PPARGC1A: variants seen among roughly 807,000 people sequenced by gnomAD.
PPARGC1A encodes PPARG coactivator 1 alpha.
In PPARGC1A, 25 loss-of-function variants were observed where a neutral mutation model predicts 88.7. That is an observed-to-expected ratio of 0.28 (90% CI 0.21 to 0.39). PPARGC1A has a LOEUF of 0.39. Among genes scored for constraint, PPARGC1A ranks in the 10% least tolerant of loss-of-function variants. The probability of loss-of-function intolerance (pLI) is 1.00; values close to 1 mark genes in which losing one functional copy is unlikely to be tolerated. For synonymous variants in PPARGC1A, 363 were observed against 355.6 expected (o/e 1.02, Z -0.24); for missense variants, 880 against 968.7 (o/e 0.91, Z 1.22).
At chr4:24,175,048 G>C in the PPARGC1A span, among the ~76,000 whole-genome samples, 2 of 152,120 alleles carry the variant, frequency 1.3e-5, no homozygotes, top group Non-Finnish European at 2.9e-5. Context: ...CTTTCTAAAA[G>C]TAACTACTGC....
chr4:24,440,122 C>T, the PPARGC1A span, among the ~76,000 whole-genome samples: 1 of 152,188 alleles, frequency 6.6e-6, no homozygotes, highest in Non-Finnish European at 1.5e-5. Context: ...CACAATTAAT[C>T]CTAGAAGGTC....
chr4:24,358,412 A>T, the PPARGC1A span, among the ~76,000 whole-genome samples: 1 of 152,252 alleles, frequency 6.6e-6, no homozygotes, highest in Admixed American at 6.5e-5. Flanking sequence ...AGAAAACGGC[A>T]GAGGGCCAGA....
At chr4:23,983,750 T>C in the PPARGC1A span, among the ~76,000 whole-genome samples, 1 of 151,954 alleles carries the variant, frequency 6.6e-6, no homozygotes, top group Non-Finnish European at 1.5e-5. Flanking sequence ...TCAATGGCTT[T>C]CCAGTGTTTT....
At chr4:24,415,062 C>T in the PPARGC1A span, among the ~76,000 whole-genome samples, 1 of 152,040 alleles carries the variant, frequency 6.6e-6, no homozygotes, top group African/African-American at 2.4e-5. Context: ...CAGTGGCATG[C>T]ACCTGTAATC....
At chr4:24,214,801 C>A in the PPARGC1A span, among the ~76,000 whole-genome samples, 1 of 152,128 alleles carries the variant, frequency 6.6e-6, no homozygotes, top group Non-Finnish European at 1.5e-5. Context: ...TGCTCACTCC[C>A]AAGAAGGTAC....
chr4:24,221,769 C>A, the PPARGC1A span, among the ~76,000 whole-genome samples: 5 of 152,140 alleles, frequency 3.3e-5, no homozygotes, highest in African/African-American at 1.2e-4. Flanking sequence ...CAGACCCTCA[C>A]TCAAAAAATA....
the PPARGC1A span, among the ~76,000 whole-genome samples, chr4:24,247,884 T>C: frequency 1.3e-5 from 2 of 152,136 alleles, no homozygotes; most frequent in Admixed American, 6.5e-5. Flanking sequence ...GAAGAACTGG[T>C]CTTCTGTTTC....
the PPARGC1A span, among the ~76,000 whole-genome samples, chr4:24,365,945 A>C: frequency 1.3e-5 from 2 of 152,170 alleles, no homozygotes; most frequent in African/African-American, 4.8e-5. Flanking sequence ...GAACAGCCAG[A>C]TCACTTAGTA....
the PPARGC1A span, among the ~76,000 whole-genome samples, chr4:24,303,225 GAGA>G: frequency 6.6e-5 from 10 of 152,172 alleles, no homozygotes; most frequent in African/African-American, 2.2e-4. Flanking sequence ...GCAGAAGACA[GAGA>G]AGAAGTTATT....
At chr4:24,160,446 G>A in the PPARGC1A span, among the ~76,000 whole-genome samples, 2 of 152,140 alleles carry the variant, frequency 1.3e-5, no homozygotes, top group South Asian at 4.1e-4. Flanking sequence ...AATTTGCCCA[G>A]GTATTCTGAA....
At chr4:24,224,725 TAAAG>T in the PPARGC1A span, among the ~76,000 whole-genome samples, 2 of 151,528 alleles carry the variant, frequency 1.3e-5, no homozygotes, top group African/African-American at 4.9e-5. Flanking sequence ...AATAAGCAAA[TAAAG>T]AAAACAAACA....
the PPARGC1A span, among the ~76,000 whole-genome samples, chr4:23,922,034 G>A: frequency 6.6e-6 from 1 of 152,180 alleles, no homozygotes; most frequent in South Asian, 2.1e-4. Flanking sequence ...TATTATGCAT[G>A]CTTGAAGGTT....
At chr4:24,084,928 A>G in the PPARGC1A span, among the ~76,000 whole-genome samples, 1 of 152,198 alleles carries the variant, frequency 6.6e-6, no homozygotes, top group South Asian at 2.1e-4. Context: ...CTCTCTTGCT[A>G]GGTCCATCAT....
chr4:24,412,978 T>A, the PPARGC1A span, among the ~76,000 whole-genome samples: 2 of 152,198 alleles, frequency 1.3e-5, no homozygotes, highest in African/African-American at 4.8e-5. Context: ...AGAAGCATCC[T>A]CTCAATGAAG....
the PPARGC1A span, among the ~76,000 whole-genome samples, chr4:24,229,729 G>A: frequency 3.3e-4 from 50 of 151,156 alleles, no homozygotes; most frequent in African/African-American, 7.3e-4. Flanking sequence ...CCTGTAATCC[G>A]AACTACCTGG....
chr4:24,244,254 T>C, the PPARGC1A span, among the ~76,000 whole-genome samples: 1 of 152,140 alleles, frequency 6.6e-6, no homozygotes, highest in African/African-American at 2.4e-5. Flanking sequence ...GAGCAACACA[T>C]GATTACAGGG....
chr4:23,886,616 C>A (rs191308149), intron 1 of PPARGC1A, among the ~76,000 whole-genome samples: 19 of 152,230 alleles, frequency 1.2e-4, no homozygotes, highest in Middle Eastern at 3.4e-3. Flanking sequence ...AATTACAGAT[C>A]AGTATACTTG....
the PPARGC1A span, among the ~76,000 whole-genome samples, chr4:24,387,146 T>C: frequency 6.6e-6 from 1 of 152,172 alleles, no homozygotes; most frequent in Non-Finnish European, 1.5e-5. Context: ...GGGGAAAGGA[T>C]TCCCTATTTA....
chr4:24,345,196 C>T, the PPARGC1A span, among the ~76,000 whole-genome samples: 2 of 152,012 alleles, frequency 1.3e-5, no homozygotes, highest in Non-Finnish European at 2.9e-5. Context: ...TGTGATACCT[C>T]CAGATTTGTT....
Sources: gnomAD v4.1 joint callset for allele counts (sites outside exome capture counted in the v4.1 genomes callset) on GRCh38, gnomAD v4.1.1 for gene constraint, MANE v1.5 for transcripts, NCBI Gene and HGNC (gene_info 2026-07-23, HGNC 2026-07-21) for gene names.